The following MID1 variants were observed in gnomAD, a reference collection of about 807,000 sequenced individuals.
The protein encoded by MID1 is E3 ubiquitin-protein ligase Midline-1.
MID1 carries 7 observed loss-of-function variants against 40.4 expected under a neutral mutation model. The observed-to-expected ratio is 0.17, with a 90% CI of 0.10 to 0.33. The LOEUF is 0.33. Among genes scored for constraint, MID1 ranks in the 10% least tolerant of loss-of-function variants. MID1 has a pLI of 1.00. For missense variants in MID1, 367 were observed against 558.5 expected (o/e 0.66, Z 3.46); for synonymous variants, 229 against 221.2 (o/e 1.04, Z -0.31).
chrX:10,554,700 T>C (rs1013748512), intron 2 of MID1, among the ~76,000 whole-genome samples: 2 of 110,788 alleles, frequency 1.8e-5, no homozygotes, highest in Non-Finnish European at 3.8e-5. Flanking sequence ...GAGGCAAAAA[T>C]AGCATCTCCC....
At chrX:10,551,304 T>C (rs915598727) in intron 2 of MID1, among the ~76,000 whole-genome samples, 1 of 112,473 alleles carries the variant, frequency 8.9e-6, no homozygotes, top group Admixed American at 9.4e-5. Context: ...CGATTGTATA[T>C]GTACATGGTA....
At chrX:10,638,880 T>C (rs1936153688) in intron 1 of MID1, among the ~76,000 whole-genome samples, 1 of 112,138 alleles carries the variant, frequency 8.9e-6, no homozygotes, top group Non-Finnish European at 1.9e-5. Flanking sequence ...CTGCTGGTGA[T>C]ACCCAGGCAA....
rs759920110 is a variant in MID1 at position 10,708,199 on chromosome X, G to A, written c.-186-87780C>T. ...TTCAAATCATAAAAATGAATGTCTG[G>A]GCACTGTATACCACACATTAACATT... is the stretch of plus-strand genomic sequence containing the variant. On this transcript the variant is annotated intron_variant, in intron 1 of 10. Coordinates refer to the MID1 transcript ENST00000380785. 4.5e-5 allele frequency among the ~76,000 whole-genome samples: 5 copies of A among 112,119 alleles called. No homozygotes were observed. The South Asian group carries it at 1.9e-3, about 42-fold the overall frequency.
At chrX:10,511,443 C>T (rs1057388063) in intron 3 of MID1, among the ~76,000 whole-genome samples, 1 of 111,333 alleles carries the variant, frequency 9.0e-6, no homozygotes, top group Non-Finnish European at 1.9e-5. Flanking sequence ...TCCAGTGGTA[C>T]AATCATAGAT....
intron 2 of MID1, among the ~76,000 whole-genome samples, chrX:10,537,511 T>C (rs1407266650): frequency 1.8e-5 from 2 of 112,446 alleles, no homozygotes; most frequent in African/African-American, 3.2e-5. Flanking sequence ...TAAATGGTGA[T>C]AGTAAATCAC....
intron 1 of MID1, among the ~76,000 whole-genome samples, chrX:10,800,282 G>A (rs776642925): frequency 1.8e-5 from 2 of 112,019 alleles, no homozygotes; most frequent in South Asian, 7.4e-4. Flanking sequence ...CAGTCAGTGA[G>A]GAAATAGAGC....
rs771902316 is a variant in MID1 at position 10,746,836 on chromosome X, T to C, written c.-187+86718A>G. Among the ~76,000 whole-genome samples the C allele has an allele frequency of 7.4e-5, 8 of 108,562 alleles. No individual in the cohort carries two copies. In the East Asian group the frequency reaches 2.0e-3, roughly 27 times the overall value. 94.3% of individuals were successfully genotyped at this position (108,562 alleles called of 115,157 possible). ...TATATTACGATTATAATATATATTA[T>C]GTATATTACTATTATAAAGTAGCTT... On this transcript the variant is annotated intron_variant, in intron 1 of 10. Coordinates refer to the MID1 transcript ENST00000380785.
intron 8 of MID1, among the ~76,000 whole-genome samples, chrX:10,459,001 A>C (rs1220322606): frequency 9.0e-6 from 1 of 111,650 alleles, no homozygotes; most frequent in African/African-American, 3.3e-5. Flanking sequence ...AGAGAGAGGG[A>C]GATGACAGTA....
chrX:10,718,313 G>A (rs958738277), intron 1 of MID1, among the ~76,000 whole-genome samples: 1 of 111,491 alleles, frequency 9.0e-6, no homozygotes, highest in African/African-American at 3.3e-5. Flanking sequence ...GACTAATAAA[G>A]AAGAAAAGAG....
intron 1 of MID1, among the ~76,000 whole-genome samples, chrX:10,797,264 T>C (rs1393424084): frequency 9.0e-6 from 1 of 111,682 alleles, no homozygotes; most frequent in African/African-American, 3.3e-5. Context: ...AAAGTCATAT[T>C]TAGAGCGGGG....
chrX:10,461,138 T>TACACAC (rs200040870), intron 7 of MID1, among the ~76,000 whole-genome samples: 74 of 96,794 alleles, frequency 7.6e-4, no homozygotes, highest in Middle Eastern at 5.3e-3. Context: ...TATCTAAAGA[T>TACACAC]ACACACACAC....
chrX:10,755,019 C>T (rs1189194026), intron 1 of MID1, among the ~76,000 whole-genome samples: 3 of 111,474 alleles, frequency 2.7e-5, no homozygotes, highest in African/African-American at 9.8e-5. Context: ...AGAGAACTTG[C>T]AGGAAAAGTT....
chrX:10,749,072 C>T (rs2043581553), intron 1 of MID1, among the ~76,000 whole-genome samples: 1 of 111,270 alleles, frequency 9.0e-6, no homozygotes, highest in African/African-American at 3.3e-5. Flanking sequence ...ATCTTAATTG[C>T]CAGAAATGCC....
At chrX:10,797,240 A>C (rs1323161231) in intron 1 of MID1, among the ~76,000 whole-genome samples, 1 of 111,571 alleles carries the variant, frequency 9.0e-6, no homozygotes, top group African/African-American at 3.3e-5. Context: ...AATTATTTAA[A>C]AAGTATGGGG....
intron 3 of MID1, among the ~76,000 whole-genome samples, chrX:10,507,299 C>T (rs183199882): frequency 3.1e-4 from 34 of 111,112 alleles, no homozygotes; most frequent in Admixed American, 1.2e-3. Flanking sequence ...TTGTCAGGAT[C>T]GGGGTCAGGG....
intron 1 of MID1, among the ~76,000 whole-genome samples, chrX:10,708,677 C>T (rs1390117195): frequency 9.0e-6 from 1 of 111,557 alleles, no homozygotes; most frequent in East Asian, 2.8e-4. Flanking sequence ...AAAGCAACCT[C>T]GAGGGTGTAT....
intron 1 of MID1, among the ~76,000 whole-genome samples, chrX:10,749,408 C>T (rs1223802450): frequency 8.9e-6 from 1 of 111,734 alleles, no homozygotes; most frequent in African/African-American, 3.3e-5. Context: ...TGCCTTTTAC[C>T]AGGATGGTTT....
At chrX:10,793,607 C>A (rs2043948296) in intron 1 of MID1, among the ~76,000 whole-genome samples, 3 of 112,042 alleles carry the variant, frequency 2.7e-5, no homozygotes, top group Non-Finnish European at 5.6e-5. Context: ...AGCCCATGCC[C>A]TTCCCCTCCT....
chrX:10,504,763 CT>C lies in MID1; in HGVS notation c.757-9073del, dbSNP rs532709569. On this transcript the variant is annotated intron_variant, in intron 3 of 9. Transcript: ENST00000317552. Reference sequence around the variant, plus strand: ...GTGGTACAGAGCAGGAGTTGGGGGACTTTTTTTTTTTGTAAAGGCCTAGATA... The same window carrying C: ...GTGGTACAGAGCAGGAGTTGGGGGACTTTTTTTTTTGTAAAGGCCTAGATA... Among the ~76,000 whole-genome samples the C allele has an allele frequency of 1.3e-3, 137 of 102,027 alleles. 1 individual carries two copies. Among genetic ancestry groups the C allele is most frequent in the African/African-American group, 3.8e-3 (108 of 28,265 alleles). 88.6% of individuals were successfully genotyped at this position (102,027 alleles called of 115,157 possible).
Sources: gnomAD v4.1 joint callset for allele counts (sites outside exome capture counted in the v4.1 genomes callset) on GRCh38, gnomAD v4.1.1 for gene constraint, MANE v1.5 for transcripts, NCBI Gene and HGNC (gene_info 2026-07-23, HGNC 2026-07-21) for gene names.